RIMS2: variants seen among roughly 807,000 people sequenced by gnomAD.
The protein encoded by RIMS2 is regulating synaptic membrane exocytosis protein 2.
A neutral mutation model predicts 174.4 loss-of-function variants in RIMS2; 59 were observed. That is an observed-to-expected ratio of 0.34 (90% CI 0.27 to 0.42). The LOEUF is 0.42. RIMS2 is among the 10% of genes least tolerant of loss of function. The pLI is 1.00. For synonymous variants in RIMS2, 606 were observed against 572.5 expected, an observed-to-expected ratio of 1.06 and a Z score of -0.84; for missense variants, 1,620 against 1,666.3, an observed-to-expected ratio of 0.97 and a Z score of 0.48.
At chr8:104,155,252 G>T (rs1161606933) in intron 19 of RIMS2, among the ~76,000 whole-genome samples, 3 of 150,690 alleles carry the variant, frequency 2.0e-5, no homozygotes, top group Non-Finnish European at 3.0e-5. Flanking sequence ...GACTACAGGC[G>T]CCCGCCACCA....
intron 1 of RIMS2, among the ~76,000 whole-genome samples, chr8:103,526,931 GA>G (rs1427755538): frequency 6.6e-6 from 1 of 152,008 alleles, no homozygotes; most frequent in Non-Finnish European, 1.5e-5. Flanking sequence ...CTACGAAGGA[GA>G]AATAAAAGAA....
At position 104,107,366 on chromosome 8, in the gene RIMS2, CT is replaced by C. The variant is rs1402657115; in HGVS notation, c.3334+92752del. ...TCTCTTGTGATACCCATTTTCTCCC[CT>C]GTGATAGTTTTTTAAGTATATATTT... On this transcript the variant is annotated intron_variant, in intron 19 of 23. Coordinates refer to ENST00000504942, the Ensembl canonical transcript of RIMS2. Among the ~76,000 whole-genome samples, 29 of 152,198 alleles carry C rather than the reference CT, an allele frequency of 1.9e-4. No homozygotes were observed. The East Asian group carries it at 3.1e-3, about 16-fold the overall frequency.
chr8:103,937,391 C>G (rs1028889391), intron 13 of RIMS2, among the ~76,000 whole-genome samples: 2 of 152,160 alleles, frequency 1.3e-5, no homozygotes, highest in African/African-American at 2.4e-5. Flanking sequence ...GACTGTACCA[C>G]TAATAAGTAG....
intron 16 of RIMS2, among the ~76,000 whole-genome samples, chr8:103,980,412 G>A (rs1017831274): frequency 1.3e-5 from 2 of 152,176 alleles, no homozygotes; most frequent in African/African-American, 4.8e-5. Context: ...CCTGGGCGCT[G>A]AATAACCAGC....
intron 1 of RIMS2, among the ~76,000 whole-genome samples, chr8:103,606,678 G>T (rs982266640): frequency 6.6e-6 from 1 of 152,012 alleles, no homozygotes; most frequent in Non-Finnish European, 1.5e-5. Flanking sequence ...TATGAATCTG[G>T]GTGCTCCTAT....
intron 19 of RIMS2, among the ~76,000 whole-genome samples, chr8:104,158,502 A>G (rs890592234): frequency 5.3e-5 from 8 of 152,296 alleles, no homozygotes; most frequent in African/African-American, 1.9e-4. Flanking sequence ...GAACTAATTT[A>G]CACTCCTACC....
At chr8:103,737,010 T>TGTACCAA (rs968872630) in intron 2 of RIMS2, among the ~76,000 whole-genome samples, 6 of 152,058 alleles carry the variant, frequency 3.9e-5, no homozygotes, top group Non-Finnish European at 8.8e-5. Flanking sequence ...ATATAATCTG[T>TGTACCAA]GTACCAATAT....
At chr8:104,163,920 G>A (rs1274306992) in intron 19 of RIMS2, among the ~76,000 whole-genome samples, 1 of 152,094 alleles carries the variant, frequency 6.6e-6, no homozygotes, top group Non-Finnish European at 1.5e-5. Context: ...TAATACAGAA[G>A]TATAAGAAAG....
intron 4 of RIMS2, among the ~76,000 whole-genome samples, chr8:103,908,186 C>T (rs1404697432): frequency 3.9e-5 from 6 of 152,054 alleles, no homozygotes; most frequent in Non-Finnish European, 7.4e-5. Flanking sequence ...GGACTACAGG[C>T]GTGCACCACC....
intron 16 of RIMS2, among the ~76,000 whole-genome samples, chr8:103,987,996 ATTAAT>A (rs1565699896): frequency 6.6e-6 from 1 of 152,348 alleles, no homozygotes; most frequent in East Asian, 1.9e-4. Flanking sequence ...TTTTCCATAA[ATTAAT>A]TTATAAATCT....
chr8:104,057,100 T>C, intron 19 of RIMS2, among the ~76,000 whole-genome samples: 1 of 149,480 alleles, frequency 6.7e-6, no homozygotes, highest in East Asian at 2.0e-4. Context: ...AAGGTCTCAC[T>C]CTGTCACTTA....
chr8:103,637,165 C>A (rs2096107715), intron 1 of RIMS2, among the ~76,000 whole-genome samples: 1 of 152,274 alleles, frequency 6.6e-6, no homozygotes, highest in Admixed American at 6.5e-5. Context: ...TTTCTATGAA[C>A]AAAAGGCAAG....
At chr8:103,927,296 T>G (rs1017836023) in intron 10 of RIMS2, among the ~76,000 whole-genome samples, 4 of 151,522 alleles carry the variant, frequency 2.6e-5, no homozygotes, top group African/African-American at 9.7e-5. Flanking sequence ...TCTGCACACT[T>G]TTATTTTAAT....
intron 19 of RIMS2, among the ~76,000 whole-genome samples, chr8:104,042,989 A>G (rs1263516188): frequency 1.3e-5 from 2 of 151,708 alleles, no homozygotes; most frequent in Non-Finnish European, 3.0e-5. Context: ...GTTGAAAATG[A>G]TTAAAGACGG....
intron 2 of RIMS2, among the ~76,000 whole-genome samples, chr8:103,718,573 A>G (rs2097402744): frequency 6.6e-6 from 1 of 152,196 alleles, no homozygotes; most frequent in Non-Finnish European, 1.5e-5. Context: ...GGAGGAGGTG[A>G]ATGTATTACA....
At chr8:103,579,239 T>C (rs191761319) in intron 1 of RIMS2, among the ~76,000 whole-genome samples, 4 of 146,058 alleles carry the variant, frequency 2.7e-5, no homozygotes, top group Admixed American at 2.1e-4. Context: ...TCTCTCTCTC[T>C]CCCTCTCTCT....
chr8:103,913,128 A>G (rs1186605272), intron 6 of RIMS2, among the ~76,000 whole-genome samples: 1 of 146,484 alleles, frequency 6.8e-6, no homozygotes, highest in Non-Finnish European at 1.5e-5. Context: ...GCGCACCACC[A>G]TACCCAGCTA....
At chr8:103,836,361 G>A (rs1360618795) in intron 3 of RIMS2, among the ~76,000 whole-genome samples, 7 of 152,084 alleles carry the variant, frequency 4.6e-5, no homozygotes. Flanking sequence ...ACCAGCCTGG[G>A]CAATATCGTG....
At chr8:104,041,406 T>C (rs148293008) in intron 19 of RIMS2, 48 bp downstream of exon 22, 24 of 667,930 alleles carry the variant, frequency 3.6e-5, no homozygotes, top group Non-Finnish European at 6.0e-5. Context: ...ATCTAACTTG[T>C]CCTAGAAATG....
Sources: gnomAD v4.1 joint callset for allele counts (sites outside exome capture counted in the v4.1 genomes callset) on GRCh38, gnomAD v4.1.1 for gene constraint, MANE v1.5 for transcripts, NCBI Gene and HGNC (gene_info 2026-07-23, HGNC 2026-07-21) for gene names.